Variants in PIK3AP1 observed in about 807,000 individuals in gnomAD.
PIK3AP1 encodes the protein phosphoinositide 3-kinase adapter protein 1.
PIK3AP1 carries 21 observed loss-of-function variants against 88.1 expected under a neutral mutation model. The observed-to-expected ratio is 0.24, with a 90% CI of 0.17 to 0.34. The LOEUF (loss-of-function observed/expected upper bound fraction) is 0.34. PIK3AP1 is among the 10% of genes least tolerant of loss of function. The pLI is 1.00. For missense variants in PIK3AP1, 828 were observed against 1,035.7 expected (o/e 0.80, Z 2.75); for synonymous variants, 398 against 400.0 (o/e 1.00, Z 0.06).
chr10:96,663,979 T>C (rs4581374), intron 2 of PIK3AP1, among the ~76,000 whole-genome samples: 142 of 152,330 alleles, frequency 9.3e-4, no homozygotes, highest in African/African-American at 3.1e-3. Flanking sequence ...GGAGGACAGA[T>C]ACCCCCCAGC....
rs1844184500 is a variant in PIK3AP1 at position 96,693,642 on chromosome 10, C to A, written c.430+15925G>T. Reference sequence around the variant, plus strand: ...GTGACATTGCTCTGTTGACTCATGTCTTCAACTAAAGCCACCAGATCTTAC... The same window carrying A: ...GTGACATTGCTCTGTTGACTCATGTATTCAACTAAAGCCACCAGATCTTAC... On this transcript the variant is annotated intron_variant, in intron 2 of 16. Coordinates refer to ENST00000339364, the MANE Select transcript of PIK3AP1 (RefSeq NM_152309.3). Among the ~76,000 whole-genome samples, 2 of 152,220 alleles carry A rather than the reference C, an allele frequency of 1.3e-5. 1 individual carries two copies. The highest frequency in any genetic ancestry group is 2.9e-5 in the Non-Finnish European group (2 of 68,032).
chr10:96,653,427 C>T (rs1843570199), intron 3 of PIK3AP1, among the ~76,000 whole-genome samples: 1 of 145,510 alleles, frequency 6.9e-6, no homozygotes, highest in Admixed American at 6.8e-5. Flanking sequence ...AAAACACACA[C>T]ACACACAAAA....
chr10:96,606,772 G>A (rs1305643098), intron 14 of PIK3AP1, among the ~76,000 whole-genome samples: 11 of 152,216 alleles, frequency 7.2e-5, no homozygotes, highest in Admixed American at 7.2e-4. Flanking sequence ...ACAGGCTCTG[G>A]TTCTTTTTCA....
chr10:96,697,091 C>T (rs1008413299), intron 2 of PIK3AP1, among the ~76,000 whole-genome samples: 3 of 152,182 alleles, frequency 2.0e-5, no homozygotes, highest in Admixed American at 1.3e-4. Flanking sequence ...GAAATACACA[C>T]CCTTATTCTC....
intron 2 of PIK3AP1, among the ~76,000 whole-genome samples, chr10:96,661,279 G>T (rs1173764760): frequency 6.6e-6 from 1 of 152,162 alleles, no homozygotes; most frequent in Non-Finnish European, 1.5e-5. Flanking sequence ...GATTGCCAGT[G>T]GTTAGGAGGA....
Position 96,609,810 on chromosome 10 carries a change from A to G in PIK3AP1, c.2072T>C (p.Phe691Ser). Residue 691 changes from phenylalanine to serine, a missense_variant, in exon 14 of 17, where the codon TTT (phenylalanine) becomes TCT (serine). Coordinates refer to ENST00000339364, the MANE Select transcript of PIK3AP1 (RefSeq NM_152309.3). ...HSQHLPAKVEFGVYESGPRKS... is the reference protein window; with the variant it reads ...HSQHLPAKVESGVYESGPRKS... ...CCTGGGGCCACTCTCATAGACTCCA[A>G]ACTCCACTTTTGCAGGCAGGTGCTG... The G allele has an allele frequency of 1.2e-6, 2 of 1,614,098 alleles. No individual in the cohort carries two copies. Among genetic ancestry groups the G allele is most frequent in the Non-Finnish European group, 1.7e-6 (2 of 1,179,980 alleles).
intron 16 of PIK3AP1, among the ~76,000 whole-genome samples, chr10:96,599,449 G>C (rs930533442): frequency 6.6e-6 from 1 of 152,166 alleles, no homozygotes; most frequent in African/African-American, 2.4e-5. Flanking sequence ...GGCAATTCAA[G>C]CTCTGGGATA....
chr10:96,674,807 C>T (rs141389880), intron 2 of PIK3AP1, among the ~76,000 whole-genome samples: 27 of 152,362 alleles, frequency 1.8e-4, no homozygotes, highest in African/African-American at 5.5e-4. Flanking sequence ...AACCAAGCTT[C>T]GCTGAAAATT....
chr10:96,626,177 A>G (rs1485020094), intron 10 of PIK3AP1, among the ~76,000 whole-genome samples: 1 of 152,228 alleles, frequency 6.6e-6, no homozygotes, highest in East Asian at 1.9e-4. Context: ...CTTAATTTTT[A>G]ATAACATGGG....
At chr10:96,695,279 C>G (rs1589542805) in intron 2 of PIK3AP1, among the ~76,000 whole-genome samples, 1 of 152,166 alleles carries the variant, frequency 6.6e-6, no homozygotes, top group Admixed American at 6.5e-5. Flanking sequence ...AATGTTTTCC[C>G]ACATTTCACA....
At chr10:96,704,698 G>A (rs1386912572) in intron 2 of PIK3AP1, among the ~76,000 whole-genome samples, 1 of 150,792 alleles carries the variant, frequency 6.6e-6, no homozygotes, top group Admixed American at 6.6e-5. Flanking sequence ...CAGCCTGGGT[G>A]ACAGAGCGAG....
At chr10:96,629,930 A>AAAAAGAAGAAGAAG (rs776780994) in intron 8 of PIK3AP1, among the ~76,000 whole-genome samples, 12 of 13,716 alleles carry the variant, frequency 8.7e-4, no homozygotes, top group African/African-American at 1.8e-3. Context: ...AAAAAAAAAA[A>AAAAAGAAGAAGAAG]AAGAAGAAGA....
intron 13 of PIK3AP1, among the ~76,000 whole-genome samples, chr10:96,610,188 T>C (rs966953595): frequency 6.6e-6 from 1 of 152,204 alleles, no homozygotes; most frequent in Non-Finnish European, 1.5e-5. Context: ...CTCTCAGCCC[T>C]GCCACTTAGC....
chr10:96,611,117 C>T (rs1849101380), intron 13 of PIK3AP1, among the ~76,000 whole-genome samples: 2 of 152,140 alleles, frequency 1.3e-5, no homozygotes, highest in South Asian at 2.1e-4. Flanking sequence ...GAAGGAGCAG[C>T]GAGAGGACAG....
intron 2 of PIK3AP1, among the ~76,000 whole-genome samples, chr10:96,678,263 G>A (rs183893599): frequency 4.6e-5 from 7 of 152,082 alleles, no homozygotes; most frequent in East Asian, 1.9e-4. Flanking sequence ...ATGAAACCCC[G>A]TCTCTACTAA....
rs1007965198 is a variant in PIK3AP1, at chr10:96,618,460, C to A, written c.1942-1749G>T. Among the ~76,000 whole-genome samples the A allele has an allele frequency of 3.9e-5, 6 of 152,130 alleles. No individual in the cohort carries two copies. In the East Asian group the frequency reaches 9.6e-4, roughly 24 times the overall value. ...CCTTCTCATTTCCCTTAACCTTATC[C>A]TCAAACTACTTTAGCTGAGAAGCTT... On this transcript the variant is annotated intron_variant, in intron 12 of 16. Coordinates refer to ENST00000339364, the MANE Select transcript of PIK3AP1 (RefSeq NM_152309.3).
chr10:96,654,628 G>A (rs902907020), intron 3 of PIK3AP1, among the ~76,000 whole-genome samples: 5 of 152,164 alleles, frequency 3.3e-5, no homozygotes, highest in Non-Finnish European at 5.9e-5. Context: ...ACCCCGGCCT[G>A]CCCCTTCCCC....
chr10:96,607,688 T>C (rs1204525039), intron 14 of PIK3AP1, among the ~76,000 whole-genome samples: 1 of 152,126 alleles, frequency 6.6e-6, no homozygotes, highest in Non-Finnish European at 1.5e-5. Flanking sequence ...CTTGTTGCCA[T>C]ATAAAAGGCT....
intron 8 of PIK3AP1, among the ~76,000 whole-genome samples, chr10:96,630,994 G>A (rs923952152): frequency 7.9e-5 from 12 of 152,018 alleles, no homozygotes; most frequent in African/African-American, 2.9e-4. Flanking sequence ...CTGACCTTGG[G>A]CCCAGTTAAT....
Sources: allele counts gnomAD v4.1 joint callset (sites outside exome capture counted in the v4.1 genomes callset), GRCh38; gene constraint gnomAD v4.1.1; transcripts MANE v1.5; gene names NCBI Gene and HGNC (gene_info 2026-07-23, HGNC 2026-07-21).